Variants in ABCC9 observed in about 807,000 individuals in gnomAD.
The protein encoded by ABCC9 is ATP binding cassette subfamily C member 9, also known as ATP-binding cassette sub-family C member 9.
In ABCC9, 95 loss-of-function variants were observed where a neutral mutation model predicts 188.3. The observed-to-expected ratio is 0.50, with a 90% confidence interval of 0.43 to 0.60. The LOEUF (loss-of-function observed/expected upper bound fraction) is 0.60, where lower values mean the gene tolerates loss of function less well. Ranked by LOEUF, ABCC9 falls within the 20% of genes least tolerant of loss-of-function variation. The pLI, the probability that ABCC9 is intolerant of heterozygous loss-of-function variation, is 0.00. For missense variants in ABCC9, 1,102 were observed against 1,876.3 expected (o/e 0.59, Z 7.62); for synonymous variants, 659 against 652.7 (o/e 1.01, Z -0.15).
chr12:21,859,269 T>C (rs368526504), intron 22 of ABCC9, among the ~76,000 whole-genome samples: 1 of 152,116 alleles, frequency 6.6e-6, no homozygotes, highest in Admixed American at 6.6e-5. Flanking sequence ...CCATCAAATA[T>C]AAATAAGAAG....
At chr12:21,830,153 T>C (rs1943675267) in intron 30 of ABCC9, among the ~76,000 whole-genome samples, 1 of 152,202 alleles carries the variant, frequency 6.6e-6, no homozygotes, top group East Asian at 1.9e-4. Context: ...ACCTATTTTA[T>C]AAATAAAACT....
intron 15 of ABCC9, among the ~76,000 whole-genome samples, chr12:21,885,792 A>T (rs1389850977): frequency 6.6e-6 from 1 of 152,148 alleles, no homozygotes; most frequent in African/African-American, 2.4e-5. Flanking sequence ...AAAAAACAAA[A>T]ACAAAAACAA....
intron 5 of ABCC9, among the ~76,000 whole-genome samples, chr12:21,922,733 A>T (rs1379093369): frequency 6.8e-6 from 1 of 147,170 alleles, no homozygotes; most frequent in Non-Finnish European, 1.5e-5. Context: ...TAATGGTCCT[A>T]CCAAGCTTTT....
At chr12:21,933,748 A>G (rs780820311) in intron 4 of ABCC9, 34 bp downstream of exon 4, 2 of 1,604,892 alleles carry the variant, frequency 1.2e-6, no homozygotes, top group East Asian at 2.2e-5. Context: ...CCACTGGTAT[A>G]CTGCAGTGGT....
intron 36 of ABCC9, among the ~76,000 whole-genome samples, chr12:21,810,342 C>T (rs1179689142): frequency 1.3e-5 from 2 of 152,072 alleles, no homozygotes; most frequent in African/African-American, 2.4e-5. Context: ...TATTTTAGAT[C>T]AGCTGTGCTG....
intron 36 of ABCC9, among the ~76,000 whole-genome samples, chr12:21,810,782 T>C (rs1413973720): frequency 6.6e-6 from 1 of 152,194 alleles, no homozygotes; most frequent in East Asian, 1.9e-4. Context: ...AGATATAAAT[T>C]CACTATGGTA....
chr12:21,902,179 A>G (rs193037931), intron 12 of ABCC9, among the ~76,000 whole-genome samples: 120 of 152,330 alleles, frequency 7.9e-4, no homozygotes, highest in African/African-American at 2.8e-3. Flanking sequence ...AAACTGAACA[A>G]CCTGCTCCTG....
chr12:21,926,512 C>G (rs1210099065), intron 4 of ABCC9, among the ~76,000 whole-genome samples: 2 of 152,126 alleles, frequency 1.3e-5, no homozygotes, highest in Non-Finnish European at 2.9e-5. Context: ...GATTGCTGGT[C>G]CAGCTACTTG....
chr12:21,860,893 C>T lies in ABCC9; in HGVS notation c.2424+78G>A, dbSNP rs183020572. On this transcript the variant is annotated intron_variant, in intron 21 of 39. Coordinates refer to ENST00000261200, the MANE Select transcript of ABCC9 (RefSeq NM_020297.4). ...TCCTAAGCTCTCAAATTTCATGATT[C>T]TCTATTAAAGATTAAAGACAACCAG... is the stretch of plus-strand genomic sequence containing the variant. 1,132 of 1,171,572 alleles carry T rather than the reference C, an allele frequency of 9.7e-4. 5 individuals are homozygous for T. Among genetic ancestry groups the T allele is most frequent in the Non-Finnish European group, 4.7e-4 (368 of 790,122 alleles). The allele number at this position is 1,171,572 out of a possible 1,614,324, so 72.6% of individuals were successfully genotyped here.
At chr12:21,925,131 G>A (rs181683773) in intron 5 of ABCC9, 46 of 170,620 alleles carry the variant, frequency 2.7e-4, no homozygotes, top group Non-Finnish European at 4.0e-4. Context: ...CACATAATTC[G>A]AACTACAATT....
chr12:21,840,395 T>C (rs1166000289), intron 29 of ABCC9, among the ~76,000 whole-genome samples: 1 of 152,210 alleles, frequency 6.6e-6, no homozygotes, highest in Non-Finnish European at 1.5e-5. Context: ...ATTGTCAATA[T>C]TAATTCTTTA....
Position 21,887,845 on chromosome 12 carries a change from C to T in ABCC9, c.1892G>A (p.Cys631Tyr). ...TGESSLPFES[C>Y]KKHTGVQPKT... is the part of the protein sequence containing the mutation. ...ACTTACAACTCCAGTGTGCTTCTTA[C>T]AGGACTCAAAAGGAAGCGAACTTTC... Residue 631 changes from cysteine (C) to tyrosine (Y), a missense_variant, in exon 15 of 40, where the codon TGT becomes TAT. This residue lies in a region of ABCC9 where 258 missense variants were observed against 325.6 expected (regional missense o/e 0.79). Coordinates refer to ENST00000261200, the MANE Select transcript of ABCC9 (RefSeq NM_020297.4). 2 of 1,612,742 alleles carry T rather than the reference C, an allele frequency of 1.2e-6. No homozygotes were observed. The highest frequency in any genetic ancestry group is 1.7e-6 in the Non-Finnish European group (2 of 1,178,870).
chr12:21,937,760 G>T (rs561646712), intron 2 of ABCC9, among the ~76,000 whole-genome samples: 28 of 152,204 alleles, frequency 1.8e-4, no homozygotes, highest in Non-Finnish European at 1.5e-5. Flanking sequence ...GGATACTGAG[G>T]TCCAGATAAG....
At position 21,811,237 on chromosome 12, in the gene ABCC9, C is replaced by T. The variant is rs151294567; in HGVS notation, c.4211+812G>A. Among the ~76,000 whole-genome samples, 5 of 152,208 alleles carry T rather than the reference C, an allele frequency of 3.3e-5. No individual in the cohort carries two copies. In the East Asian group the frequency reaches 5.8e-4, roughly 18 times the overall value. On this transcript the variant is annotated intron_variant, in intron 36 of 39. Transcript: ENST00000261200. ...TGTGCCTTGCTTCCCCTTTGCCTTC[C>T]GCCATGATTGTAAGTTTCCTGAGGC...
At chr12:21,940,482 C>T (rs1419000929) in intron 2 of ABCC9, among the ~76,000 whole-genome samples, 2 of 152,162 alleles carry the variant, frequency 1.3e-5, no homozygotes, top group Non-Finnish European at 2.9e-5. Context: ...TAGCTAGCTA[C>T]CATGGCTATA....
At chr12:21,882,731 T>A in intron 16 of ABCC9, 35 bp downstream of exon 16, 1 of 1,485,076 alleles carries the variant, frequency 6.7e-7, no homozygotes, top group Non-Finnish European at 9.4e-7. Context: ...CATAAATGTT[T>A]CTATTCATGT....
chr12:21,936,368 C>T (rs1040410667), intron 3 of ABCC9, among the ~76,000 whole-genome samples, 165 bp downstream of exon 3: 1 of 152,148 alleles, frequency 6.6e-6, no homozygotes, highest in Non-Finnish European at 1.5e-5. Context: ...CGGAAGATCA[C>T]CTGTCAAAAA....
At chr12:21,870,875 G>T (rs1003678179) in intron 18 of ABCC9, among the ~76,000 whole-genome samples, 1 of 152,030 alleles carries the variant, frequency 6.6e-6, no homozygotes, top group Non-Finnish European at 1.5e-5. Context: ...AAATAAATAG[G>T]TTATAAAGAA....
chr12:21,939,610 A>G (rs975532692), intron 2 of ABCC9, among the ~76,000 whole-genome samples: 1 of 152,112 alleles, frequency 6.6e-6, no homozygotes, highest in Non-Finnish European at 1.5e-5. Flanking sequence ...AGCTGTTTAG[A>G]TTCAGCTAAG....
Sources: allele counts gnomAD v4.1 joint callset (sites outside exome capture counted in the v4.1 genomes callset), GRCh38; gene constraint gnomAD v4.1.1; regional missense constraint gnomAD v4.1.1; transcripts MANE v1.5; gene names NCBI Gene and HGNC (gene_info 2026-07-23, HGNC 2026-07-21).